NDUFS1: variants seen among roughly 807,000 people sequenced by gnomAD.
NDUFS1 encodes the protein NADH:ubiquinone oxidoreductase core subunit S1.
NDUFS1 carries 61 observed loss-of-function variants against 84.4 expected under a neutral mutation model. The observed-to-expected ratio is 0.72, with a 90% CI of 0.59 to 0.89. NDUFS1 has a LOEUF of 0.89. NDUFS1 is among the 40% of genes least tolerant of loss of function. NDUFS1 has a pLI of 0.00. For missense variants in NDUFS1, 891 were observed against 890.0 expected (o/e 1.00, Z -0.01); for synonymous variants, 275 against 290.0 (o/e 0.95, Z 0.53).
At chr2:206,138,002 GATT>G (rs1176826524) in intron 13 of NDUFS1, among the ~76,000 whole-genome samples, 2 of 152,166 alleles carry the variant, frequency 1.3e-5, no homozygotes, top group African/African-American at 2.4e-5. Context: ...TAAATGGAGA[GATT>G]ATGATGTTTT....
intron 13 of NDUFS1, among the ~76,000 whole-genome samples, chr2:206,137,484 G>GAAAAAAA (rs1258518363): frequency 1.3e-5 from 2 of 149,468 alleles, no homozygotes; most frequent in African/African-American, 2.5e-5. Context: ...CAAGGAAAAA[G>GAAAAAAA]AAAAAAAAAG....
At position 206,123,912 on chromosome 2, in the gene NDUFS1, T is replaced by A. The variant is rs1387190741; in HGVS notation, c.*273A>T. 3 of 319,700 alleles carry A rather than the reference T, an allele frequency of 9.4e-6. No individual in the cohort carries two copies. Among genetic ancestry groups the A allele is most frequent in the Non-Finnish European group, 1.7e-5 (3 of 177,076 alleles). 19.8% of individuals were successfully genotyped at this position (319,700 alleles called of 1,614,324 possible). On this transcript the variant is annotated 3_prime_UTR_variant, in exon 19 of 19. Transcript: ENST00000233190. The stretch of plus-strand genomic sequence containing the variant: ...ATGAAGATAAGCCAACAACTCATAA[T>A]TTAAGGATCTCTTTATGTTCGTCAC...
rs1442335523 is a variant in NDUFS1 at position 206,135,333 on chromosome 2, T to C, written c.1393-2228A>G. On this transcript the variant is annotated intron_variant, in intron 13 of 18. Transcript: ENST00000233190. ...GAGCCACCACATCAAGAGTTCTTAA[T>C]GAAGGTAACAGAATTAATGAAAAAT... is the stretch of plus-strand genomic sequence containing the variant. Among the ~76,000 whole-genome samples, 9 of 152,162 alleles carry C rather than the reference T, an allele frequency of 5.9e-5. No homozygotes were observed. In the South Asian group the frequency reaches 8.3e-4, roughly 14 times the overall value.
At chr2:206,144,331 T>C (rs1278529525) in intron 9 of NDUFS1, among the ~76,000 whole-genome samples, 199 bp from the exon 10 acceptor site, 2 of 152,194 alleles carry the variant, frequency 1.3e-5, no homozygotes, top group Non-Finnish European at 2.9e-5. Context: ...AAAACTAAAA[T>C]ACCATCTGAA....
intron 3 of NDUFS1, 97 bp from the exon 4 acceptor site, chr2:206,150,022 C>G: frequency 1.5e-6 from 1 of 657,926 alleles, no homozygotes; most frequent in Non-Finnish European, 2.5e-6. Context: ...CATCTTATTA[C>G]TTCTATCTAT....
rs768929865 is a variant in NDUFS1 at position 206,130,257 on chromosome 2, T to C, written c.1554-15A>G. On this transcript the variant is annotated splice_polypyrimidine_tract_variant and intron_variant, in intron 14 of 18. Transcript: ENST00000233190. ...GACTTGCAATCCTGCAAAGCAATTATGGAATTTTACCATAACTGCAGTATT... is the reference window on the plus strand; with the variant it reads ...GACTTGCAATCCTGCAAAGCAATTACGGAATTTTACCATAACTGCAGTATT... The C allele has an allele frequency of 3.7e-6, 6 of 1,613,994 alleles. No homozygotes were observed. The highest frequency in any genetic ancestry group is 3.4e-6 in the Non-Finnish European group (4 of 1,180,008).
At chr2:206,153,741 G>T in intron 1 of NDUFS1, 59 bp from the exon 2 acceptor site, 2 of 924,658 alleles carry the variant, frequency 2.2e-6, no homozygotes, top group East Asian at 5.0e-5. Context: ...CCAACTGTTT[G>T]GTAATGTTTT....
intron 14 of NDUFS1, 70 bp downstream of exon 14, chr2:206,132,875 G>T: frequency 7.4e-7 from 1 of 1,348,214 alleles, no homozygotes; most frequent in Non-Finnish European, 1.1e-6. Flanking sequence ...ATTTAACAGT[G>T]TATCAGGAAC....
chr2:206,129,765 T>G (rs943953174), intron 15 of NDUFS1, among the ~76,000 whole-genome samples: 6 of 151,996 alleles, frequency 3.9e-5, no homozygotes, highest in Non-Finnish European at 5.9e-5. Context: ...CTAATTTTTA[T>G]GTTTTTAGTA....
chr2:206,131,098 TA>T (rs1158568054), intron 14 of NDUFS1, among the ~76,000 whole-genome samples: 1 of 152,222 alleles, frequency 6.6e-6, no homozygotes, highest in East Asian at 1.9e-4. Context: ...TGTTTTGGTT[TA>T]GCTTGGTATT....
intron 17 of NDUFS1, 28 bp downstream of exon 17, chr2:206,126,682 T>C (rs2105943718): frequency 6.2e-7 from 1 of 1,614,128 alleles, no homozygotes; most frequent in East Asian, 2.2e-5. Flanking sequence ...TACAACATTA[T>C]GAAAACTGCT....
chr2:206,124,820 CA>C (rs1366888946), intron 18 of NDUFS1, among the ~76,000 whole-genome samples: 1 of 151,980 alleles, frequency 6.6e-6, no homozygotes, highest in African/African-American at 2.4e-5. Flanking sequence ...GCCTGGGCGA[CA>C]GAGCAAGACT....
chr2:206,145,178 A>T, intron 8 of NDUFS1, 152 bp from the exon 9 acceptor site: 2 of 724,586 alleles, frequency 2.8e-6, no homozygotes, highest in Non-Finnish European at 4.3e-6. Flanking sequence ...AAATAAAAGA[A>T]CCCCCCACCT....
At chr2:206,152,703 CTTTTTTTTT>C (rs71034411) in intron 2 of NDUFS1, among the ~76,000 whole-genome samples, 193 bp from the exon 3 acceptor site, 53 of 121,254 alleles carry the variant, frequency 4.4e-4, no homozygotes, top group African/African-American at 1.5e-3. Flanking sequence ...CTTTCTTCTT[CTTTTTTTTT>C]TTTTTTTTTT....
Position 206,126,769 on chromosome 2 carries a change from C to G in NDUFS1, c.1960G>C (p.Val654Leu), listed in dbSNP as rs1456097616. 9.9e-6 allele frequency: 16 copies of G among 1,614,040 alleles called. No individual in the cohort carries two copies. The Admixed American group carries it at 2.7e-4, about 27-fold the overall frequency. ...NRLEEVSPNL[V>L]RYDDIEGANY... Reference sequence around the variant, plus strand: ...GCCCCTTCAATATCATCATATCGAACAAGATTAGGAGAGACTTCTTCCAAT... The same window carrying G: ...GCCCCTTCAATATCATCATATCGAAGAAGATTAGGAGAGACTTCTTCCAAT... The change falls in exon 17 of 19, where the codon GTT becomes CTT. Residue 654 changes from valine (V) to leucine (L), a missense_variant. Physicochemically the swap from Val to Leu is conservative, Grantham distance 32. Transcript: ENST00000233190.
At position 206,152,765 on chromosome 2, in the gene NDUFS1, C is replaced by T. The variant is rs144294296; in HGVS notation, c.62-255G>A. Among the ~76,000 whole-genome samples, 3,278 of 146,416 alleles carry T rather than the reference C, an allele frequency of 0.022. 125 individuals carry two copies. Among genetic ancestry groups the T allele is most frequent in the African/African-American group, 0.079 (3,110 of 39,390 alleles). On this transcript the variant is annotated intron_variant, in intron 2 of 18. Coordinates refer to ENST00000233190, the MANE Select transcript of NDUFS1 (RefSeq NM_005006.7). ...TGTCACCCAGGCTGGAGTGCAGTGGCGCCATCTTGGCTCACTACAACCTCC... is the reference window on the plus strand; with the variant it reads ...TGTCACCCAGGCTGGAGTGCAGTGGTGCCATCTTGGCTCACTACAACCTCC...
At chr2:206,131,494 T>C (rs1049936006) in intron 14 of NDUFS1, among the ~76,000 whole-genome samples, 1 of 152,298 alleles carries the variant, frequency 6.6e-6, no homozygotes, top group Non-Finnish European at 1.5e-5. Flanking sequence ...TAATTTCACC[T>C]ATGTAACTAA....
At position 206,158,986 on chromosome 2, in the gene NDUFS1, G is replaced by A. The variant is rs1365680400; in HGVS notation, c.-5+355C>T. 104 of 1,191,734 alleles carry A rather than the reference G, an allele frequency of 8.7e-5. 1 individual carries two copies. The highest frequency in any genetic ancestry group is 1.2e-4 in the Non-Finnish European group (104 of 838,012). 73.8% of individuals were successfully genotyped at this position (1,191,734 alleles called of 1,614,324 possible). A position where few individuals can be genotyped will look rare whatever the true frequency, so the allele number is the denominator to read the frequency against. On this transcript the variant is annotated intron_variant, in intron 1 of 18. Coordinates refer to ENST00000233190, the MANE Select transcript of NDUFS1 (RefSeq NM_005006.7). ...CTGGGGGGAAAGGCTTAGTCTTAAG[G>A]CCTAAGTCATCGGACACTGGTCCTC... is the stretch of plus-strand genomic sequence containing the variant.
At chr2:206,124,634 T>C (rs1691216758) in intron 18 of NDUFS1, among the ~76,000 whole-genome samples, 1 of 151,924 alleles carries the variant, frequency 6.6e-6, no homozygotes, top group South Asian at 2.1e-4. Flanking sequence ...GGTCAGGAGA[T>C]TGAGACCATC....
Sources: gnomAD v4.1 joint callset for allele counts (sites outside exome capture counted in the v4.1 genomes callset) on GRCh38, gnomAD v4.1.1 for gene constraint, MANE v1.5 for transcripts, NCBI Gene and HGNC (gene_info 2026-07-23, HGNC 2026-07-21) for gene names.